The following PACRG variants were observed in gnomAD, a reference collection of about 807,000 sequenced individuals.
PACRG encodes the protein parkin coregulated, also known as parkin coregulated gene protein.
In PACRG, 29 loss-of-function variants were observed where a neutral mutation model predicts 29.7. That is an observed-to-expected ratio of 0.98 (90% CI 0.73 to 1.33). The LOEUF (loss-of-function observed/expected upper bound fraction) is 1.33, where lower values mean the gene tolerates loss of function less well. Ranked by LOEUF, PACRG falls within the 40% of genes most tolerant of loss-of-function variation. The pLI, the probability that PACRG is intolerant of heterozygous loss-of-function variation, is 0.00. For missense variants in PACRG, 279 were observed against 316.2 expected (o/e 0.88, Z 0.89); for synonymous variants, 116 against 118.7 (o/e 0.98, Z 0.15).
At chr6:163,314,393 G>C (rs555965933) in intron 4 of PACRG, among the ~76,000 whole-genome samples, 2 of 152,168 alleles carry the variant, frequency 1.3e-5, no homozygotes, top group African/African-American at 4.8e-5. Context: ...GCAGAGATGC[G>C]GGTGGGGGCT....
At chr6:163,032,398 G>A (rs896624340) in intron 2 of PACRG, among the ~76,000 whole-genome samples, 1 of 152,026 alleles carries the variant, frequency 6.6e-6, no homozygotes, top group African/African-American at 2.4e-5. Flanking sequence ...TTGCATTCAA[G>A]AGCACCTGTC....
At chr6:162,980,022 C>T (rs1028482038) in intron 2 of PACRG, among the ~76,000 whole-genome samples, 2 of 151,880 alleles carry the variant, frequency 1.3e-5, no homozygotes, top group African/African-American at 4.8e-5. Flanking sequence ...GAAGAAAGGC[C>T]TGCGAGTTTT....
intron 3 of PACRG, among the ~76,000 whole-genome samples, chr6:163,084,212 T>C (rs1813331518): frequency 6.6e-6 from 1 of 152,214 alleles, no homozygotes; most frequent in Non-Finnish European, 1.5e-5. Context: ...CACTTATGTC[T>C]TGACAATAGC....
At chr6:162,821,748 T>C (rs1160685616) in intron 2 of PACRG, among the ~76,000 whole-genome samples, 6 of 152,196 alleles carry the variant, frequency 3.9e-5, no homozygotes, top group African/African-American at 1.2e-4. Context: ...TTTCTGTATC[T>C]ACCCAAGGAT....
upstream of PACRG, chr6:162,727,594 C>A (rs1278412153): frequency 3.2e-5 from 48 of 1,503,538 alleles, no homozygotes; most frequent in South Asian, 5.0e-4. Flanking sequence ...TCGGCCGAGG[C>A]GGGGCGTGGC....
chr6:162,820,446 C>T (rs1392212502), intron 2 of PACRG, among the ~76,000 whole-genome samples: 1 of 152,198 alleles, frequency 6.6e-6, no homozygotes, highest in Non-Finnish European at 1.5e-5. Context: ...AAAATATGCA[C>T]ACATTTTCTT....
intron 2 of PACRG, among the ~76,000 whole-genome samples, chr6:162,941,946 A>G (rs760721168): frequency 3.9e-5 from 6 of 152,144 alleles, no homozygotes; most frequent in African/African-American, 7.2e-5. Flanking sequence ...CTCCCTTTCT[A>G]TAATAAATGT....
At chr6:163,103,425 T>C (rs1299948497) in intron 4 of PACRG, among the ~76,000 whole-genome samples, 2 of 152,174 alleles carry the variant, frequency 1.3e-5, no homozygotes, top group East Asian at 3.9e-4. Context: ...CTCATCTGCC[T>C]TCCTTTTCTG....
At chr6:162,824,125 G>A (rs2128381179) in intron 2 of PACRG, among the ~76,000 whole-genome samples, 1 of 152,232 alleles carries the variant, frequency 6.6e-6, no homozygotes, top group African/African-American at 2.4e-5. Flanking sequence ...ATGCAATGTG[G>A]TACCAGAAAT....
At chr6:162,736,731 A>G (rs1240695138) in intron 1 of PACRG, among the ~76,000 whole-genome samples, 8 of 151,502 alleles carry the variant, frequency 5.3e-5, no homozygotes, top group African/African-American at 1.9e-4. Context: ...TTGCATATAT[A>G]TTTTATATAT....
intron 1 of PACRG, among the ~76,000 whole-genome samples, chr6:162,782,155 C>T (rs1315623934): frequency 6.6e-6 from 1 of 151,726 alleles, no homozygotes; most frequent in African/African-American, 2.4e-5. Context: ...GAGAATATTG[C>T]TAGGAATGAA....
intron 4 of PACRG, among the ~76,000 whole-genome samples, chr6:163,093,956 T>C (rs2128306234): frequency 6.6e-6 from 1 of 152,340 alleles, no homozygotes; most frequent in South Asian, 2.1e-4. Context: ...TTTAAACGGC[T>C]TCTAAGAAAT....
chr6:162,812,597 T>G (rs1432196996), intron 1 of PACRG, among the ~76,000 whole-genome samples: 1 of 144,212 alleles, frequency 6.9e-6, no homozygotes, highest in African/African-American at 2.7e-5. Flanking sequence ...ACATAAAAAT[T>G]TGTCAATCAT....
At chr6:163,075,055 A>G (rs2128283515) in intron 3 of PACRG, among the ~76,000 whole-genome samples, 1 of 152,294 alleles carries the variant, frequency 6.6e-6, no homozygotes, top group South Asian at 2.1e-4. Flanking sequence ...AATATCAGAA[A>G]TAAAAAAGGA....
intron 1 of PACRG, among the ~76,000 whole-genome samples, chr6:162,756,416 AT>A (rs908980029): frequency 6.6e-6 from 1 of 151,774 alleles, no homozygotes; most frequent in Non-Finnish European, 1.5e-5. Flanking sequence ...CCTTTTAATA[AT>A]TTTTTTTACT....
rs753525789 is a variant in PACRG at position 163,055,423 on chromosome 6, C to T, written c.292-6727C>T. On this transcript the variant is annotated intron_variant, in intron 2 of 4. Coordinates refer to ENST00000366888, the MANE Select transcript of PACRG (RefSeq NM_001080379.2). The surrounding 1 kb of genome is among the most constrained non-coding windows in gnomAD (Gnocchi z 4.0). ...ACACGTGCACACACACGCAAACAAG[C>T]GCCTGAGGATAAACGTAATATAAGA... 1.8e-4 allele frequency among the ~76,000 whole-genome samples: 27 copies of T among 152,098 alleles called. No individual in the cohort carries two copies. The highest frequency in any genetic ancestry group is 3.2e-4 in the Non-Finnish European group (22 of 67,992).
intron 4 of PACRG, among the ~76,000 whole-genome samples, chr6:163,280,084 C>T (rs1171114570): frequency 2.0e-5 from 3 of 152,206 alleles, no homozygotes; most frequent in African/African-American, 7.2e-5. Flanking sequence ...GCTGGCCCTT[C>T]CTTCACCAAG....
chr6:163,001,291 T>C (rs1804567834), intron 2 of PACRG, among the ~76,000 whole-genome samples: 1 of 152,166 alleles, frequency 6.6e-6, no homozygotes, highest in African/African-American at 2.4e-5. Context: ...TCCAAAGAGC[T>C]TTTGAGTGGT....
intron 1 of PACRG, among the ~76,000 whole-genome samples, chr6:162,755,363 C>T (rs1781827301): frequency 6.6e-6 from 1 of 151,902 alleles, no homozygotes; most frequent in South Asian, 2.1e-4. Flanking sequence ...CTTTTTAGCT[C>T]CTTGAGGTAT....
Sources: gnomAD v4.1 joint callset for allele counts (sites outside exome capture counted in the v4.1 genomes callset) on GRCh38, gnomAD v4.1.1 for gene constraint, Gnocchi (gnomAD v3.1) non-coding constraint, MANE v1.5 for transcripts, NCBI Gene and HGNC (gene_info 2026-07-23, HGNC 2026-07-21) for gene names.